Variants in KLF13 observed in about 807,000 individuals in gnomAD.
KLF13 encodes the protein KLF transcription factor 13.
Under a neutral mutation model 16.7 loss-of-function variants are expected in KLF13, and 8 were observed. The ratio of observed to expected loss-of-function variants is 0.48; its 90% CI spans 0.28 to 0.87. The LOEUF is 0.87. Among genes scored for constraint, KLF13 ranks in the 40% least tolerant of loss-of-function variants. The pLI is 0.10. For synonymous variants in KLF13, 245 were observed against 208.4 expected, an observed-to-expected ratio of 1.18 and a Z score of -1.51; for missense variants, 447 against 452.2, an observed-to-expected ratio of 0.99 and a Z score of 0.10.
intron 1 of KLF13, among the ~76,000 whole-genome samples, chr15:31,435,141 C>A (rs557416038): frequency 6.6e-6 from 1 of 152,106 alleles, no homozygotes; most frequent in East Asian, 1.9e-4. Context: ...TAAGTTTTGT[C>A]TATGTTTTGT....
At chr15:31,416,537 A>G (rs2040259277) in intron 1 of KLF13, among the ~76,000 whole-genome samples, 1 of 152,194 alleles carries the variant, frequency 6.6e-6, no homozygotes, top group Non-Finnish European at 1.5e-5. Flanking sequence ...ATTAAAAACC[A>G]AAAATTACAT....
chr15:31,413,195 A>AC (rs200340491), intron 1 of KLF13, among the ~76,000 whole-genome samples: 2 of 137,292 alleles, frequency 1.5e-5, no homozygotes, highest in African/African-American at 5.1e-5. Context: ...GACAAAAAAA[A>AC]AAAAAAACAA....
chr15:31,354,770 G>C (rs1363453524), intron 1 of KLF13, among the ~76,000 whole-genome samples: 2 of 152,146 alleles, frequency 1.3e-5, no homozygotes, highest in Non-Finnish European at 2.9e-5. Flanking sequence ...GCACCTGCTA[G>C]CCCCCTGCAG....
At chr15:31,430,185 C>G (rs897625723) in intron 1 of KLF13, among the ~76,000 whole-genome samples, 3 of 151,924 alleles carry the variant, frequency 2.0e-5, no homozygotes, top group African/African-American at 7.3e-5. Flanking sequence ...TCAAAGGACA[C>G]TATTAAGAGA....
chr15:31,331,860 A>C (rs1438440501), intron 1 of KLF13, among the ~76,000 whole-genome samples: 2 of 152,246 alleles, frequency 1.3e-5, no homozygotes, highest in Non-Finnish European at 2.9e-5. Flanking sequence ...GTGTGTGTCC[A>C]CGTAGACATT....
At chr15:31,333,757 C>T (rs976999663) in intron 1 of KLF13, among the ~76,000 whole-genome samples, 1 of 152,112 alleles carries the variant, frequency 6.6e-6, no homozygotes, top group South Asian at 2.1e-4. Context: ...TCTCTAGTTT[C>T]CCTTAGTTTA....
Position 31,334,680 on chromosome 15 carries a change from G to A in KLF13, c.577+6891G>A, listed in dbSNP as rs182262260. Among the ~76,000 whole-genome samples, 1,067 of 149,908 alleles carry A rather than the reference G, an allele frequency of 7.1e-3. 4 individuals carry two copies. Among genetic ancestry groups the A allele is most frequent in the Non-Finnish European group, 0.011 (739 of 67,274 alleles). On this transcript the variant is annotated intron_variant, in intron 1 of 1. Transcript: ENST00000307145. ...TGACCTCAGGTGATCTGCCCACCTC[G>A]GCCTCCCAAAGTGCTGGGATTACAG...
At chr15:31,352,301 G>C (rs912958612) in intron 1 of KLF13, among the ~76,000 whole-genome samples, 10 of 152,206 alleles carry the variant, frequency 6.6e-5, no homozygotes, top group African/African-American at 2.4e-4. Flanking sequence ...GCAGAGGCTT[G>C]CCTGCTGCAG....
chr15:31,433,601 G>A (rs1379962287), intron 1 of KLF13, among the ~76,000 whole-genome samples: 2 of 152,098 alleles, frequency 1.3e-5, no homozygotes, highest in Non-Finnish European at 2.9e-5. Context: ...CCCACCTCCC[G>A]TTCTACTGAA....
At chr15:31,393,318 G>C (rs913911003) in intron 1 of KLF13, 3 of 152,460 alleles carry the variant, frequency 2.0e-5, no homozygotes, top group Admixed American at 1.3e-4. Context: ...TGGAGGTGAC[G>C]GAGGTGTGCT....
chr15:31,428,820 A>AAAAAAAAAAAAAAAAAAAG lies in KLF13; in HGVS notation n.118-6545_118-6544insAAAAAAAAAAAAAGAAAAA, dbSNP rs61521558. On this transcript the variant is annotated intron_variant and non_coding_transcript_variant, in intron 1 of 1. Transcript: ENST00000558225. ...TCTATCTCAAAAAAAAAAAAAAAAA[A>AAAAAAAAAAAAAAAAAAAG]AAAAAGAAAAAGAAAAAGAAATGCC... Among the ~76,000 whole-genome samples, 38 of 72,662 alleles carry AAAAAAAAAAAAAAAAAAAG rather than the reference A, an allele frequency of 5.2e-4. 1 individual carries two copies. Among genetic ancestry groups the AAAAAAAAAAAAAAAAAAAG allele is most frequent in the African/African-American group, 1.5e-3 (24 of 16,070 alleles). 47.7% of individuals were successfully genotyped at this position (72,662 alleles called of 152,430 possible).
chr15:31,367,902 C>T (rs1204080815), intron 1 of KLF13, among the ~76,000 whole-genome samples: 3 of 152,144 alleles, frequency 2.0e-5, no homozygotes, highest in Admixed American at 1.3e-4. Context: ...GAAAAGCAAC[C>T]GAAACTTACT....
At chr15:31,339,217 T>G (rs976975663) in intron 1 of KLF13, among the ~76,000 whole-genome samples, 2 of 152,274 alleles carry the variant, frequency 1.3e-5, no homozygotes, top group East Asian at 3.9e-4. Flanking sequence ...AAGTTCCCAT[T>G]GTCTCAAGTT....
Position 31,416,198 on chromosome 15 carries a change from G to C in KLF13, n.118-19172G>C, listed in dbSNP as rs1270094138. 3.3e-5 allele frequency among the ~76,000 whole-genome samples: 5 copies of C among 151,838 alleles called. No homozygotes were observed. The East Asian group carries it at 9.6e-4, about 29-fold the overall frequency. On this transcript the variant is annotated intron_variant and non_coding_transcript_variant, in intron 1 of 1. Transcript: ENST00000558225. The stretch of plus-strand genomic sequence containing the variant: ...AAACTACCCACTAAGAAAATCTTAG[G>C]CCCAGAATACTTCATCACTGAATTC...
In KLF13 at chr15:31,327,183, A is replaced by G; in HGVS notation, c.-30A>G. 3 of 1,288,072 alleles carry G rather than the reference A, an allele frequency of 2.3e-6. No homozygotes were observed. Among genetic ancestry groups the G allele is most frequent in the Non-Finnish European group, 2.9e-6 (3 of 1,018,956 alleles). 79.8% of individuals were successfully genotyped at this position (1,288,072 alleles called of 1,614,324 possible). A position where few individuals can be genotyped will look rare whatever the true frequency, so the allele number is the denominator to read the frequency against. On this transcript the variant is annotated 5_prime_UTR_variant, in exon 1 of 2. Transcript: ENST00000307145. ...GATGCGCGGCTGACGACTCGCAGCA[A>G]GAGCACCGCCGCCGGCCCCAGCCCG...
intron 1 of KLF13, among the ~76,000 whole-genome samples, chr15:31,328,670 G>C (rs1329081319): frequency 2.0e-5 from 3 of 152,194 alleles, no homozygotes; most frequent in African/African-American, 7.2e-5. Context: ...GCCCGCCCCC[G>C]CCAGCCCAGC....
chr15:31,416,066 A>G (rs1348718439), intron 1 of KLF13, among the ~76,000 whole-genome samples: 1 of 152,164 alleles, frequency 6.6e-6, no homozygotes, highest in East Asian at 1.9e-4. Context: ...GTTACGTAAC[A>G]ACAAATTAGA....
At chr15:31,378,159 C>G (rs1157795759), downstream of KLF13, among the ~76,000 whole-genome samples, 1 of 152,162 alleles carries the variant, frequency 6.6e-6, no homozygotes, top group Non-Finnish European at 1.5e-5. Context: ...CGAAAGAGCA[C>G]GGAGGAGAAC....
chr15:31,408,371 G>A (rs964237074), downstream of KLF13, among the ~76,000 whole-genome samples: 1 of 152,108 alleles, frequency 6.6e-6, no homozygotes, highest in Admixed American at 6.6e-5. Context: ...TCCCTCCCTT[G>A]TCCCTCACCA....
Sources: gnomAD v4.1 joint callset for allele counts (sites outside exome capture counted in the v4.1 genomes callset) on GRCh38, gnomAD v4.1.1 for gene constraint, MANE v1.5 for transcripts, NCBI Gene and HGNC (gene_info 2026-07-23, HGNC 2026-07-21) for gene names.